Variants in MAP4K4 observed in about 807,000 individuals in gnomAD.
MAP4K4 encodes the protein HPK/GCK-like kinase HGK.
In MAP4K4, 38 loss-of-function variants were observed where a neutral mutation model predicts 189.6. That is an observed-to-expected ratio of 0.20 (90% CI 0.15 to 0.26). MAP4K4 has a LOEUF of 0.26. MAP4K4 is among the 10% of genes least tolerant of loss of function. The pLI is 1.00. For missense variants in MAP4K4, 1,054 were observed against 1,726.9 expected (o/e 0.61, Z 6.91); for synonymous variants, 610 against 624.3 (o/e 0.98, Z 0.34).
At chr2:101,781,814 T>A (rs143271464) in intron 2 of MAP4K4, among the ~76,000 whole-genome samples, 1 of 152,284 alleles carries the variant, frequency 6.6e-6, no homozygotes, top group East Asian at 1.9e-4. Context: ...CTCATTTAAA[T>A]TGTCTCCACT....
rs372393740 is a variant in MAP4K4 at position 101,835,885 on chromosome 2, G to A, written c.695-15G>A. The A allele has an allele frequency of 1.0e-5, 16 of 1,584,848 alleles. 1 individual carries two copies. Among genetic ancestry groups the A allele is most frequent in the African/African-American group, 5.4e-5 (4 of 74,304 alleles). On this transcript the variant is annotated splice_polypyrimidine_tract_variant and intron_variant, in intron 8 of 32. Transcript: ENST00000324219. Reference sequence around the variant, plus strand: ...AAATAAGTGCCATACTGACACGACCGTCTCCTCTCCCCAGCTCTCTGTGAC... The same window carrying A: ...AAATAAGTGCCATACTGACACGACCATCTCCTCTCCCCAGCTCTCTGTGAC...
chr2:101,842,523 C>A, intron 10 of MAP4K4, 86 bp from the exon 11 acceptor site: 3 of 920,888 alleles, frequency 3.3e-6, no homozygotes, highest in South Asian at 1.9e-5. Context: ...TTATTTTCTG[C>A]CAAGGTGCTC....
chr2:101,788,406 A>G (rs897025733), intron 2 of MAP4K4, among the ~76,000 whole-genome samples: 1 of 152,172 alleles, frequency 6.6e-6, no homozygotes, highest in African/African-American at 2.4e-5. Context: ...ATGGGGTCGG[A>G]AACTCCTAGA....
chr2:101,803,541 A>G lies in MAP4K4; in HGVS notation c.180+12765A>G, dbSNP rs184636472. ...TTTTTGCCTCCTGAATTTAGTTCCA[A>G]TAACTGCTTTCCAGTTTACATTCTC... is the stretch of plus-strand genomic sequence containing the variant. On this transcript the variant is annotated intron_variant, in intron 3 of 32. Transcript: ENST00000324219. 3.3e-4 allele frequency among the ~76,000 whole-genome samples: 50 copies of G among 152,250 alleles called. No homozygotes were observed. In the East Asian group the frequency reaches 8.9e-3, roughly 27 times the overall value.
chr2:101,825,217 C>A, intron 4 of MAP4K4, 102 bp from the exon 5 acceptor site: 1 of 631,426 alleles, frequency 1.6e-6, no homozygotes, highest in Non-Finnish European at 2.8e-6. Context: ...TGAGGAGCAT[C>A]ACGTTTCTAG....
intron 12 of MAP4K4, 149 bp downstream of exon 12, chr2:101,844,460 CT>C: frequency 1.4e-6 from 1 of 691,706 alleles, no homozygotes; most frequent in Non-Finnish European, 2.5e-6. Flanking sequence ...TGAAAGAAAG[CT>C]TACGCTTTGG....
intron 2 of MAP4K4, among the ~76,000 whole-genome samples, chr2:101,761,792 A>G (rs542883260): frequency 1.7e-4 from 26 of 152,098 alleles, no homozygotes; most frequent in Non-Finnish European, 4.4e-5. Context: ...CCTGACTGCA[A>G]GTGATCCACC....
chr2:101,736,796 C>G (rs7605411), intron 2 of MAP4K4, among the ~76,000 whole-genome samples: 10,805 of 152,132 alleles, frequency 0.071, 543 homozygotes, highest in African/African-American at 0.14. Flanking sequence ...GTTAGTGCTC[C>G]TGACACTTGG....
intron 2 of MAP4K4, among the ~76,000 whole-genome samples, chr2:101,745,911 C>T (rs961016561): frequency 1.3e-5 from 2 of 150,422 alleles, no homozygotes; most frequent in African/African-American, 4.9e-5. Context: ...ATTTGGTTCT[C>T]TGCCGTGGTT....
chr2:101,836,043 A>G (rs2096740331), intron 9 of MAP4K4, 65 bp downstream of exon 9: 2 of 1,228,910 alleles, frequency 1.6e-6, no homozygotes, highest in Non-Finnish European at 2.4e-6. Context: ...TTTTAGTTAT[A>G]CTTTCCTCTG....
chr2:101,852,248 T>A (rs2097309723), intron 12 of MAP4K4, among the ~76,000 whole-genome samples: 1 of 152,134 alleles, frequency 6.6e-6, no homozygotes, highest in South Asian at 2.1e-4. Flanking sequence ...AGGATTTGAT[T>A]GGATTTCGTA....
At chr2:101,879,562 A>G (rs2098323941) in intron 27 of MAP4K4, among the ~76,000 whole-genome samples, 1 of 152,220 alleles carries the variant, frequency 6.6e-6, no homozygotes, top group Non-Finnish European at 1.5e-5. Flanking sequence ...CCAAAAGTTA[A>G]AAGGATTATA....
chr2:101,770,929 C>A (rs538087805), intron 2 of MAP4K4, among the ~76,000 whole-genome samples: 1 of 152,288 alleles, frequency 6.6e-6, no homozygotes, highest in Admixed American at 6.5e-5. Context: ...ACATGCTTCT[C>A]GAGTGTCCTG....
At chr2:101,706,894 C>G (rs1231586936) in intron 2 of MAP4K4, among the ~76,000 whole-genome samples, 1 of 152,204 alleles carries the variant, frequency 6.6e-6, no homozygotes, top group Non-Finnish European at 1.5e-5. Flanking sequence ...CTCATCTTCT[C>G]TTGTCTGGAA....
chr2:101,877,661 G>A (rs2098246243), intron 27 of MAP4K4, among the ~76,000 whole-genome samples: 1 of 151,646 alleles, frequency 6.6e-6, no homozygotes, highest in East Asian at 1.9e-4. Context: ...CTTGCAAAAG[G>A]AAGTATTCTT....
At chr2:101,870,622 G>A (rs1051186803) in intron 23 of MAP4K4, 7 of 569,780 alleles carry the variant, frequency 1.2e-5, no homozygotes, top group African/African-American at 1.9e-5. Context: ...ACCCCACATC[G>A]CTGCTCCTCT....
intron 12 of MAP4K4, among the ~76,000 whole-genome samples, chr2:101,844,761 A>G (rs1419489818): frequency 6.6e-6 from 1 of 151,598 alleles, no homozygotes; most frequent in East Asian, 1.9e-4. Context: ...TTTTTTTCTA[A>G]ATGCCTTAAC....
At chr2:101,824,846 TA>T (rs1350895065) in intron 4 of MAP4K4, among the ~76,000 whole-genome samples, 11 of 152,234 alleles carry the variant, frequency 7.2e-5, no homozygotes, top group African/African-American at 1.9e-4. Flanking sequence ...AATATTGCAT[TA>T]AAAATTGTAT....
intron 2 of MAP4K4, among the ~76,000 whole-genome samples, chr2:101,766,243 G>A (rs937704213): frequency 1.3e-5 from 2 of 152,154 alleles, no homozygotes; most frequent in African/African-American, 4.8e-5. Context: ...AAAATGAACT[G>A]GTCTGATTTT....
Sources: allele counts gnomAD v4.1 joint callset (sites outside exome capture counted in the v4.1 genomes callset), GRCh38; gene constraint gnomAD v4.1.1; transcripts MANE v1.5; gene names NCBI Gene and HGNC (gene_info 2026-07-23, HGNC 2026-07-21).